Variants in PDE1A observed in about 807,000 individuals in gnomAD.
PDE1A encodes dual specificity calcium/calmodulin-dependent 3',5'-cyclic nucleotide phosphodiesterase 1A.
In PDE1A, 35 loss-of-function variants were observed where a neutral mutation model predicts 61.7. The observed-to-expected ratio is 0.57, with a 90% CI of 0.43 to 0.75. The LOEUF is 0.75. Ranked by LOEUF, PDE1A falls within the 30% of genes least tolerant of loss-of-function variation. The probability of loss-of-function intolerance (pLI) is 0.00; values close to 1 mark genes in which losing one functional copy is unlikely to be tolerated. For synonymous variants in PDE1A, 232 were observed against 213.2 expected (o/e 1.09, Z -0.77); for missense variants, 597 against 630.6 (o/e 0.95, Z 0.57).
chr2:182,309,013 C>T (rs1329979500), intron 1 of PDE1A, among the ~76,000 whole-genome samples: 1 of 144,400 alleles, frequency 6.9e-6, no homozygotes, highest in Non-Finnish European at 1.5e-5. Flanking sequence ...TATGAAATAG[C>T]ATTAGTCTTG....
chr2:182,659,669 C>G, the PDE1A span, among the ~76,000 whole-genome samples: 1 of 152,198 alleles, frequency 6.6e-6, no homozygotes, highest in Admixed American at 6.5e-5. Flanking sequence ...ATTCCCAGTT[C>G]TACCCAATTC....
At chr2:182,547,036 G>A in the PDE1A span, among the ~76,000 whole-genome samples, 2 of 152,148 alleles carry the variant, frequency 1.3e-5, no homozygotes, top group Non-Finnish European at 2.9e-5. Flanking sequence ...TGAAGTTAGT[G>A]CTCCTTCAGT....
chr2:182,140,221 A>C (rs1574479116), exon 15 of PDE1A: 1 of 152,150 alleles, frequency 6.6e-6, no homozygotes, highest in Non-Finnish European at 1.5e-5. Context: ...GTCTGTGTAG[A>C]TTATCTCCTT....
chr2:182,257,905 C>T (rs1192082494), intron 2 of PDE1A, among the ~76,000 whole-genome samples: 3 of 152,162 alleles, frequency 2.0e-5, no homozygotes, highest in African/African-American at 7.2e-5. Flanking sequence ...CGGTGGCTCA[C>T]GCCTGTAATC....
intron 2 of PDE1A, among the ~76,000 whole-genome samples, chr2:182,517,493 C>T (rs1690281478): frequency 6.6e-6 from 1 of 152,140 alleles, no homozygotes; most frequent in African/African-American, 2.4e-5. Context: ...TGCATTATCT[C>T]CTATGTGCTA....
intron 7 of PDE1A, among the ~76,000 whole-genome samples, chr2:182,210,212 T>C (rs769542265): frequency 1.3e-5 from 2 of 152,228 alleles, no homozygotes; most frequent in Non-Finnish European, 2.9e-5. Context: ...TTGTAATAAA[T>C]TGGTAAACTG....
At chr2:182,159,432 A>G (rs757783324) in intron 13 of PDE1A, among the ~76,000 whole-genome samples, 1 of 152,156 alleles carries the variant, frequency 6.6e-6, no homozygotes, top group Non-Finnish European at 1.5e-5. Context: ...GACTATCTTG[A>G]TAGGTTAATT....
chr2:182,322,512 T>C lies in PDE1A; in HGVS notation c.54-58098A>G, dbSNP rs138080038. ...CATGTAAGATGTGCCTTTGCTCCTC[T>C]TTTACCTCTGCCAAGCCATGTGGAA... On this transcript the variant is annotated intron_variant, in intron 1 of 13. Coordinates refer to ENST00000351439, the Ensembl canonical transcript of PDE1A. Among the ~76,000 whole-genome samples, 320 of 152,304 alleles carry C rather than the reference T, an allele frequency of 2.1e-3. 3 individuals are homozygous for C. Among genetic ancestry groups the C allele is most frequent in the East Asian group, 0.011 (58 of 5,190 alleles).
chr2:182,272,251 T>C (rs1260889927), intron 1 of PDE1A, among the ~76,000 whole-genome samples: 1 of 152,168 alleles, frequency 6.6e-6, no homozygotes, highest in Non-Finnish European at 1.5e-5. Context: ...CAAGGCCAGC[T>C]TCATGGGCAT....
chr2:182,693,140 T>C, the PDE1A span, among the ~76,000 whole-genome samples: 1 of 152,102 alleles, frequency 6.6e-6, no homozygotes, highest in Non-Finnish European at 1.5e-5. Context: ...TTAAAATAAT[T>C]CCCTAGAATC....
the PDE1A span, among the ~76,000 whole-genome samples, chr2:182,581,202 C>T: frequency 6.6e-6 from 1 of 152,138 alleles, no homozygotes; most frequent in South Asian, 2.1e-4. Flanking sequence ...ATAATTGTTG[C>T]ACAAAGTCAG....
intron 1 of PDE1A, among the ~76,000 whole-genome samples, chr2:182,293,683 AT>A (rs1694688789): frequency 6.6e-6 from 1 of 152,210 alleles, no homozygotes; most frequent in Non-Finnish European, 1.5e-5. Flanking sequence ...TAATTTATAA[AT>A]TAGAGACATA....
At chr2:182,713,581 A>C in the PDE1A span, among the ~76,000 whole-genome samples, 1 of 152,238 alleles carries the variant, frequency 6.6e-6, no homozygotes, top group Non-Finnish European at 1.5e-5. Flanking sequence ...CAATGAGCCA[A>C]GATCGCACCA....
At chr2:182,249,871 A>C (rs533056543) in intron 2 of PDE1A, among the ~76,000 whole-genome samples, 1 of 152,314 alleles carries the variant, frequency 6.6e-6, no homozygotes, top group African/African-American at 2.4e-5. Context: ...AGAACCAGGC[A>C]AGAAACCAAG....
At chr2:182,453,737 T>C (rs1244022720) in intron 2 of PDE1A, among the ~76,000 whole-genome samples, 2 of 152,152 alleles carry the variant, frequency 1.3e-5, no homozygotes, top group African/African-American at 4.8e-5. Context: ...CTAAAAACTC[T>C]CCATAAATTA....
intron 7 of PDE1A, among the ~76,000 whole-genome samples, chr2:182,217,878 A>G (rs1157873777): frequency 6.6e-6 from 1 of 152,052 alleles, no homozygotes; most frequent in African/African-American, 2.4e-5. Context: ...TCAGGGATCT[A>G]GAACTGGAAA....
At chr2:182,329,768 G>A (rs113936537) in intron 1 of PDE1A, among the ~76,000 whole-genome samples, 68 of 152,152 alleles carry the variant, frequency 4.5e-4, no homozygotes, top group African/African-American at 1.5e-3. Context: ...TCCTACTTTC[G>A]GATTCCAGTT....
the PDE1A span, among the ~76,000 whole-genome samples, chr2:182,683,094 T>A: frequency 1.3e-5 from 2 of 151,498 alleles, no homozygotes; most frequent in Non-Finnish European, 2.9e-5. Flanking sequence ...CTTTTTCTTT[T>A]CTTTTTTTTT....
At chr2:182,519,527 GAA>G (rs1031744243) in intron 2 of PDE1A, among the ~76,000 whole-genome samples, 2 of 151,822 alleles carry the variant, frequency 1.3e-5, no homozygotes, top group Non-Finnish European at 2.9e-5. Context: ...TGTCACAAAA[GAA>G]AAAGAGATTT....
Sources: allele counts gnomAD v4.1 joint callset (sites outside exome capture counted in the v4.1 genomes callset), GRCh38; gene constraint gnomAD v4.1.1; transcripts MANE v1.5; gene names NCBI Gene and HGNC (gene_info 2026-07-23, HGNC 2026-07-21).